The following ZNF521 variants were observed in gnomAD, a reference collection of about 807,000 sequenced individuals.
The protein encoded by ZNF521 is LYST-interacting protein 3.
Under a neutral mutation model 105.5 loss-of-function variants are expected in ZNF521, and 14 were observed. The ratio of observed to expected loss-of-function variants is 0.13; its 90% CI spans 0.09 to 0.21. ZNF521 has a LOEUF of 0.21. ZNF521 is among the 10% of genes least tolerant of loss of function. The pLI is 1.00. For missense variants in ZNF521, 1,233 were observed against 1,629.7 expected (o/e 0.76, Z 4.19); for synonymous variants, 635 against 606.0 (o/e 1.05, Z -0.70).
chr18:25,074,642 C>G (rs1268920022), intron 7 of ZNF521, among the ~76,000 whole-genome samples: 1 of 152,024 alleles, frequency 6.6e-6, no homozygotes, highest in African/African-American at 2.4e-5. Context: ...CTTTCTTGTC[C>G]ACGATTTCCC....
chr18:25,089,359 T>A, intron 7 of ZNF521, 106 bp downstream of exon 7: 1 of 819,682 alleles, frequency 1.2e-6, no homozygotes. Flanking sequence ...CAAAGCATCA[T>A]GGTGGCCCAG....
chr18:25,117,444 C>G (rs4575613), intron 5 of ZNF521, among the ~76,000 whole-genome samples: 77,698 of 151,782 alleles, frequency 0.51, 20,270 homozygotes, highest in South Asian at 0.66. Flanking sequence ...CTATTTTTAA[C>G]AGAAAAGACA....
intron 2 of ZNF521, chr18:25,345,397 T>C (rs1278496326): frequency 6.6e-6 from 1 of 152,256 alleles, no homozygotes; most frequent in Non-Finnish European, 1.5e-5. Flanking sequence ...TATAAAAGGC[T>C]GCTTGCTAAT....
intron 5 of ZNF521, among the ~76,000 whole-genome samples, chr18:25,193,325 G>T (rs72874427): frequency 2.6e-5 from 4 of 151,818 alleles, no homozygotes; most frequent in Non-Finnish European, 5.9e-5. Flanking sequence ...TTAACATTGT[G>T]GTGAAAATAT....
chr18:25,321,965 TAGAAC>T, intron 3 of ZNF521, 38 bp downstream of exon 3: 1 of 1,547,386 alleles, frequency 6.5e-7, no homozygotes, highest in Non-Finnish European at 8.8e-7. Flanking sequence ...AAATCAGAAA[TAGAAC>T]AGTACAAGAA....
At chr18:25,134,131 T>G (rs1422035472) in intron 5 of ZNF521, among the ~76,000 whole-genome samples, 1 of 152,146 alleles carries the variant, frequency 6.6e-6, no homozygotes, top group African/African-American at 2.4e-5. Flanking sequence ...AACAGGAAGC[T>G]GCCTTACCTC....
At chr18:25,212,538 A>AAAAAAATATATATATAT (rs1555647923) in intron 4 of ZNF521, among the ~76,000 whole-genome samples, 1 of 48,142 alleles carries the variant, frequency 2.1e-5, no homozygotes, top group African/African-American at 1.3e-4. Flanking sequence ...AAAAAAAAAA[A>AAAAAAATATATATATAT]ATATATATAT....
At chr18:25,263,553 T>C (rs998256055) in intron 3 of ZNF521, among the ~76,000 whole-genome samples, 3 of 151,770 alleles carry the variant, frequency 2.0e-5, no homozygotes, top group African/African-American at 7.3e-5. Context: ...AGACGGAGCT[T>C]CACCATGTAG....
chr18:25,128,254 C>CA (rs1322790398), intron 5 of ZNF521, among the ~76,000 whole-genome samples: 1 of 151,540 alleles, frequency 6.6e-6, no homozygotes, highest in Non-Finnish European at 1.5e-5. Context: ...AAGAATTTGA[C>CA]AAAATCCAAC....
intron 3 of ZNF521, among the ~76,000 whole-genome samples, chr18:25,291,188 T>G (rs1910999515): frequency 6.6e-6 from 1 of 152,178 alleles, no homozygotes; most frequent in Non-Finnish European, 1.5e-5. Flanking sequence ...ACGAGTGAAA[T>G]TCTTCTCATT....
chr18:25,334,867 G>T (rs1465361420), intron 2 of ZNF521, among the ~76,000 whole-genome samples: 1 of 152,184 alleles, frequency 6.6e-6, no homozygotes, highest in East Asian at 1.9e-4. Flanking sequence ...TTAGTGATTT[G>T]CTAAGAGCCA....
chr18:25,312,611 G>A lies in ZNF521; in HGVS notation c.220+9397C>T, dbSNP rs1190298675. Among the ~76,000 whole-genome samples the A allele has an allele frequency of 6.9e-5, 3 of 43,608 alleles. 1 individual carries two copies. Among genetic ancestry groups the A allele is most frequent in the African/African-American group, 2.6e-4 (3 of 11,498 alleles). The allele number at this position is 43,608 out of a possible 152,430, so 28.6% of individuals were successfully genotyped here. ...GTGGATCATGAGGTCAGGAGATCGA[G>A]ACCATCCTGGCTAACAAGGTGAAAC... On this transcript the variant is annotated intron_variant, in intron 3 of 7. Transcript: ENST00000361524.
At chr18:25,144,990 A>T (rs896230046) in intron 5 of ZNF521, among the ~76,000 whole-genome samples, 1 of 152,188 alleles carries the variant, frequency 6.6e-6, no homozygotes, top group African/African-American at 2.4e-5. Flanking sequence ...ATATGTAAGT[A>T]AGTTCACCAG....
intron 4 of ZNF521, among the ~76,000 whole-genome samples, chr18:25,217,535 T>C (rs1905405890): frequency 1.3e-5 from 2 of 152,236 alleles, no homozygotes; most frequent in African/African-American, 4.8e-5. Context: ...GAGTCTAGGG[T>C]ATACATACGA....
intron 3 of ZNF521, among the ~76,000 whole-genome samples, chr18:25,294,736 T>C (rs891344381): frequency 4.0e-5 from 6 of 150,978 alleles, no homozygotes; most frequent in Admixed American, 3.3e-4. Context: ...ATGCTTGTAA[T>C]CCCAGCTACT....
At chr18:25,266,660 C>T (rs913001622) in intron 3 of ZNF521, among the ~76,000 whole-genome samples, 9 of 152,204 alleles carry the variant, frequency 5.9e-5, no homozygotes, top group African/African-American at 2.2e-4. Context: ...GGGGATTTCC[C>T]TCCCCTAGCC....
intron 5 of ZNF521, among the ~76,000 whole-genome samples, chr18:25,150,905 T>G (rs968059556): frequency 5.9e-4 from 89 of 150,582 alleles, no homozygotes; most frequent in African/African-American, 1.8e-3. Flanking sequence ...TTTTTTTTTT[T>G]TGAGACAGAG....
intron 7 of ZNF521, among the ~76,000 whole-genome samples, chr18:25,066,579 G>C (rs1021417297): frequency 6.6e-6 from 1 of 152,138 alleles, no homozygotes; most frequent in African/African-American, 2.4e-5. Context: ...TGTGTTTTCT[G>C]ATGCTCATAG....
chr18:25,168,957 GTGT>G (rs1409190600), intron 5 of ZNF521, among the ~76,000 whole-genome samples: 108 of 36,834 alleles, frequency 2.9e-3, no homozygotes, highest in East Asian at 9.8e-3. Flanking sequence ...TGTCTGGGGT[GTGT>G]GTGTGTGTGT....
Sources: gnomAD v4.1 joint callset for allele counts (sites outside exome capture counted in the v4.1 genomes callset) on GRCh38, gnomAD v4.1.1 for gene constraint, MANE v1.5 for transcripts, NCBI Gene and HGNC (gene_info 2026-07-23, HGNC 2026-07-21) for gene names.